MCF2L2: variants seen among roughly 807,000 people sequenced by gnomAD.
MCF2L2 encodes the protein probable guanine nucleotide exchange factor MCF2L2.
A neutral mutation model predicts 150.2 loss-of-function variants in MCF2L2; 102 were observed. The ratio of observed to expected loss-of-function variants is 0.68; its 90% CI spans 0.58 to 0.80. The LOEUF (loss-of-function observed/expected upper bound fraction) is 0.80, where lower values mean the gene tolerates loss of function less well. MCF2L2 is among the 30% of genes least tolerant of loss of function. MCF2L2 has a pLI of 0.00. For synonymous variants in MCF2L2, 465 were observed against 491.3 expected (o/e 0.95, Z 0.71); for missense variants, 1,256 against 1,372.8 (o/e 0.91, Z 1.34).
intron 25 of MCF2L2, among the ~76,000 whole-genome samples, chr3:183,199,806 G>A: frequency 7.8e-6 from 1 of 128,010 alleles, no homozygotes; most frequent in Non-Finnish European, 1.6e-5. Context: ...GCCCTGGTGT[G>A]TGATGTTCCC....
intron 14 of MCF2L2, among the ~76,000 whole-genome samples, chr3:183,287,178 A>C (rs1000008253): frequency 2.6e-5 from 4 of 152,206 alleles, no homozygotes; most frequent in African/African-American, 4.8e-5. Flanking sequence ...ACAACAACAA[A>C]AAAATAGCAC....
intron 13 of MCF2L2, among the ~76,000 whole-genome samples, chr3:183,291,318 A>G (rs1728131181): frequency 6.6e-6 from 1 of 152,236 alleles, no homozygotes; most frequent in African/African-American, 2.4e-5. Flanking sequence ...CGAGACAAAC[A>G]TGATTACAGT....
At chr3:183,427,829 G>A (rs1716251987) in intron 1 of MCF2L2, 73 bp downstream of exon 1, 2 of 1,318,176 alleles carry the variant, frequency 1.5e-6, no homozygotes, top group Admixed American at 3.4e-5. Flanking sequence ...GTGAGGCCAG[G>A]AGCCAGATGA....
chr3:183,354,234 T>A (rs9832331), intron 3 of MCF2L2, among the ~76,000 whole-genome samples: 1 of 152,016 alleles, frequency 6.6e-6, no homozygotes, highest in Non-Finnish European at 1.5e-5. Flanking sequence ...CTGAAAGAAA[T>A]AGAATTATTT....
At chr3:183,340,109 A>G (rs978891797) in intron 4 of MCF2L2, among the ~76,000 whole-genome samples, 5 of 152,232 alleles carry the variant, frequency 3.3e-5, no homozygotes, top group African/African-American at 4.8e-5. Flanking sequence ...AAAACAATCC[A>G]TGCGGCAATG....
At chr3:183,265,042 A>G (rs1473904499) in intron 15 of MCF2L2, among the ~76,000 whole-genome samples, 1 of 152,208 alleles carries the variant, frequency 6.6e-6, no homozygotes, top group Non-Finnish European at 1.5e-5. Flanking sequence ...TTTTCTTCTA[A>G]GCAATTCTTT....
intron 1 of MCF2L2, among the ~76,000 whole-genome samples, chr3:183,398,240 G>A (rs1048699559): frequency 6.6e-6 from 1 of 152,110 alleles, no homozygotes; most frequent in Non-Finnish European, 1.5e-5. Flanking sequence ...TGGGAGGTAA[G>A]CAAAAATGAT....
Position 183,309,613 on chromosome 3 carries a change from TTCCTGTG to T in MCF2L2, c.1113+96_1113+102del. 9 of 1,476,764 alleles carry T rather than the reference TTCCTGTG, an allele frequency of 6.1e-6. No homozygotes were observed. In the Admixed American group the frequency reaches 1.5e-4, roughly 25 times the overall value. The allele number at this position is 1,476,764 out of a possible 1,614,324, so 91.5% of individuals were successfully genotyped here. A position where few individuals can be genotyped will look rare whatever the true frequency, so the allele number is the denominator to read the frequency against. ...GGTGACTGAAGGGCAGGACTGGGCA[TTCCTGTG>T]TCCTTTAGCAACCTTCCAATAGCAA... is the stretch of plus-strand genomic sequence containing the variant. On this transcript the variant is annotated intron_variant, in intron 10 of 29. Transcript: ENST00000328913.
intron 1 of MCF2L2, among the ~76,000 whole-genome samples, chr3:183,421,433 A>C (rs919985311): frequency 6.6e-6 from 1 of 152,126 alleles, no homozygotes; most frequent in Admixed American, 6.5e-5. Flanking sequence ...TCCACTGTTA[A>C]GCTCCTCTAG....
chr3:183,427,434 G>C (rs1031387891), intron 1 of MCF2L2, among the ~76,000 whole-genome samples: 1 of 152,156 alleles, frequency 6.6e-6, no homozygotes, highest in Non-Finnish European at 1.5e-5. Context: ...GAGCTGCGCA[G>C]GGGCGCTCCC....
At chr3:183,210,197 C>T (rs1722643577) in intron 22 of MCF2L2, among the ~76,000 whole-genome samples, 1 of 152,090 alleles carries the variant, frequency 6.6e-6, no homozygotes, top group Admixed American at 6.6e-5. Flanking sequence ...TCACTTGAGT[C>T]CAGGAGTTTG....
intron 27 of MCF2L2, among the ~76,000 whole-genome samples, chr3:183,185,208 G>A (rs977673875): frequency 3.3e-5 from 5 of 152,228 alleles, no homozygotes; most frequent in African/African-American, 7.2e-5. Context: ...GTAAGCCACC[G>A]CGCTTGGCCA....
At chr3:183,184,906 A>G (rs1246285996) in intron 27 of MCF2L2, among the ~76,000 whole-genome samples, 2 of 149,200 alleles carry the variant, frequency 1.3e-5, no homozygotes, top group African/African-American at 5.0e-5. Flanking sequence ...TCAATGCACA[A>G]CTTTTTTTTT....
chr3:183,303,809 C>T (rs956298747), intron 10 of MCF2L2, among the ~76,000 whole-genome samples: 3 of 152,152 alleles, frequency 2.0e-5, no homozygotes, highest in African/African-American at 7.2e-5. Flanking sequence ...TCCCAAGCTT[C>T]AAGCCCTTTC....
chr3:183,210,475 A>G (rs1394607220), intron 22 of MCF2L2, among the ~76,000 whole-genome samples: 1 of 152,184 alleles, frequency 6.6e-6, no homozygotes, highest in Non-Finnish European at 1.5e-5. Context: ...TATTCCTACT[A>G]AGACATAAGA....
chr3:183,311,580 G>A, intron 8 of MCF2L2, 68 bp downstream of exon 8: 3 of 1,576,520 alleles, frequency 1.9e-6, no homozygotes, highest in Non-Finnish European at 2.6e-6. Context: ...ATCTGTTCTT[G>A]GTTGCTCCAG....
intron 15 of MCF2L2, among the ~76,000 whole-genome samples, chr3:183,240,629 C>G (rs934525151): frequency 1.3e-5 from 2 of 152,152 alleles, no homozygotes; most frequent in Non-Finnish European, 2.9e-5. Flanking sequence ...TAAGAATCTT[C>G]TTAAGGAGCT....
In MCF2L2 at chr3:183,316,112, G is replaced by C. The variant is rs896528349; in HGVS notation, c.753+1956C>G. ...TTGGTCAGGGACCACCTGTGGGCCT[G>C]TGCAACTGCAAACTCCTTCCTAGCA... On this transcript the variant is annotated intron_variant, in intron 7 of 29. Transcript: ENST00000328913. Among the ~76,000 whole-genome samples, 3 of 152,292 alleles carry C rather than the reference G, an allele frequency of 2.0e-5. No homozygotes were observed. The East Asian group carries it at 5.8e-4, about 29-fold the overall frequency.
At chr3:183,411,916 T>C (rs769695928) in intron 1 of MCF2L2, among the ~76,000 whole-genome samples, 4 of 152,208 alleles carry the variant, frequency 2.6e-5, no homozygotes, top group South Asian at 2.1e-4. Flanking sequence ...GATGGTAGTA[T>C]GGCAAACTCT....
Sources: gnomAD v4.1 joint callset for allele counts (sites outside exome capture counted in the v4.1 genomes callset) on GRCh38, gnomAD v4.1.1 for gene constraint, MANE v1.5 for transcripts, NCBI Gene and HGNC (gene_info 2026-07-23, HGNC 2026-07-21) for gene names.